MAST4: variants seen among roughly 807,000 people sequenced by gnomAD.
The protein encoded by MAST4 is microtubule-associated serine/threonine-protein kinase 4.
MAST4 carries 89 observed loss-of-function variants against 162.7 expected under a neutral mutation model. That is an observed-to-expected ratio of 0.55 (90% CI 0.46 to 0.65). The LOEUF is 0.65. Ranked by LOEUF, MAST4 falls within the 30% of genes least tolerant of loss-of-function variation. The pLI, the probability that MAST4 is intolerant of heterozygous loss-of-function variation, is 0.00. For missense variants in MAST4, 3,153 were observed against 3,374.0 expected, an observed-to-expected ratio of 0.93 and a Z score of 1.62; for synonymous variants, 1,479 against 1,361.1, an observed-to-expected ratio of 1.09 and a Z score of -1.91.
intron 4 of MAST4, among the ~76,000 whole-genome samples, chr5:67,043,836 G>T (rs546243142): frequency 5.1e-4 from 77 of 152,250 alleles, no homozygotes; most frequent in African/African-American, 4.3e-4. Context: ...TAATTCCCCA[G>T]TATGTCTGTT....
chr5:66,972,838 TCA>T (rs1747613171), intron 4 of MAST4, among the ~76,000 whole-genome samples: 1 of 152,222 alleles, frequency 6.6e-6, no homozygotes, highest in Non-Finnish European at 1.5e-5. Flanking sequence ...CTGCCGTGTC[TCA>T]CTCATTCCCT....
intron 4 of MAST4, among the ~76,000 whole-genome samples, chr5:66,907,877 C>T (rs1394352794): frequency 1.3e-5 from 2 of 151,990 alleles, no homozygotes; most frequent in Non-Finnish European, 2.9e-5. Flanking sequence ...GATGTGTAAA[C>T]CATATTTGAA....
At chr5:66,738,879 T>C (rs925812054) in intron 1 of MAST4, among the ~76,000 whole-genome samples, 1 of 152,246 alleles carries the variant, frequency 6.6e-6, no homozygotes, top group African/African-American at 2.4e-5. Flanking sequence ...TTTAAATTTT[T>C]GTTATGAGAT....
chr5:66,879,073 A>T (rs1487604244), intron 3 of MAST4, among the ~76,000 whole-genome samples: 1 of 152,124 alleles, frequency 6.6e-6, no homozygotes, highest in East Asian at 1.9e-4. Context: ...AGGTCAGGAG[A>T]TGGCGACCAT....
chr5:66,776,195 T>C (rs1263492328), intron 2 of MAST4, among the ~76,000 whole-genome samples: 1 of 152,212 alleles, frequency 6.6e-6, no homozygotes, highest in African/African-American at 2.4e-5. Flanking sequence ...TTTGTTCTTT[T>C]TGTTTCTCTT....
At chr5:66,618,134 C>G (rs1050191064) in intron 1 of MAST4, among the ~76,000 whole-genome samples, 1 of 152,284 alleles carries the variant, frequency 6.6e-6, no homozygotes, top group Non-Finnish European at 1.5e-5. Flanking sequence ...CGCCCGTTGG[C>G]TTGTGGAGAA....
At chr5:66,997,687 A>G (rs1750826642) in intron 4 of MAST4, among the ~76,000 whole-genome samples, 1 of 152,174 alleles carries the variant, frequency 6.6e-6, no homozygotes, top group Non-Finnish European at 1.5e-5. Context: ...CCTGCCTCCC[A>G]AAGTGCTGGG....
At chr5:66,997,910 T>A (rs544456749) in intron 4 of MAST4, among the ~76,000 whole-genome samples, 1 of 152,338 alleles carries the variant, frequency 6.6e-6, no homozygotes, top group South Asian at 2.1e-4. Context: ...TATCTTCCGA[T>A]GTGTGGAATA....
chr5:67,133,471 C>T, intron 16 of MAST4, 43 bp from the exon 17 acceptor site: 1 of 1,602,108 alleles, frequency 6.2e-7, no homozygotes, highest in South Asian at 1.1e-5. Flanking sequence ...AGATAACCAG[C>T]TTATAAAGTG....
chr5:67,044,564 G>A (rs968712388), intron 4 of MAST4, among the ~76,000 whole-genome samples: 9 of 152,026 alleles, frequency 5.9e-5, no homozygotes, highest in Non-Finnish European at 1.2e-4. Flanking sequence ...GTCCAGGCTG[G>A]AATGCAGTGG....
chr5:66,796,251 A>G (rs1315773622), intron 3 of MAST4, among the ~76,000 whole-genome samples: 6 of 152,230 alleles, frequency 3.9e-5, no homozygotes, highest in Admixed American at 1.3e-4. Flanking sequence ...TGGCTGCCCA[A>G]TGGGTAATTA....
chr5:66,919,557 A>G (rs2150039862), intron 4 of MAST4, among the ~76,000 whole-genome samples: 1 of 149,072 alleles, frequency 6.7e-6, no homozygotes, highest in South Asian at 2.2e-4. Flanking sequence ...GCTACTTGGG[A>G]GGCTGAGGCA....
chr5:67,038,636 A>T (rs1278058368), intron 4 of MAST4, among the ~76,000 whole-genome samples: 1 of 152,238 alleles, frequency 6.6e-6, no homozygotes, highest in Non-Finnish European at 1.5e-5. Flanking sequence ...TTGTAGAAAG[A>T]CAGCATAACC....
chr5:67,005,900 A>C (rs903846002), intron 4 of MAST4, among the ~76,000 whole-genome samples: 1 of 152,232 alleles, frequency 6.6e-6, no homozygotes, highest in African/African-American at 2.4e-5. Flanking sequence ...CTTGCCTTGC[A>C]TGTACATGTG....
chr5:66,779,599 C>T (rs1248401526), intron 2 of MAST4, among the ~76,000 whole-genome samples: 1 of 152,050 alleles, frequency 6.6e-6, no homozygotes, highest in Non-Finnish European at 1.5e-5. Context: ...AAGTCAGTCA[C>T]CCATGTGAGT....
intron 1 of MAST4, among the ~76,000 whole-genome samples, chr5:66,684,990 G>A (rs753479858): frequency 8.5e-5 from 13 of 152,162 alleles, no homozygotes; most frequent in Non-Finnish European, 1.9e-4. Flanking sequence ...GGCCAGGTGG[G>A]GTGGCTCATG....
At chr5:66,874,081 G>C (rs1193424014) in intron 3 of MAST4, among the ~76,000 whole-genome samples, 1 of 152,114 alleles carries the variant, frequency 6.6e-6, no homozygotes, top group South Asian at 2.1e-4. Flanking sequence ...TAGACTAAGA[G>C]TAAAGGGTTA....
At chr5:67,008,387 C>T (rs981155276) in intron 4 of MAST4, among the ~76,000 whole-genome samples, 1 of 152,166 alleles carries the variant, frequency 6.6e-6, no homozygotes, top group Non-Finnish European at 1.5e-5. Flanking sequence ...CTTTTCTTTG[C>T]CCATTGGATG....
At chr5:67,026,867 C>T (rs1754710145) in intron 4 of MAST4, among the ~76,000 whole-genome samples, 1 of 152,052 alleles carries the variant, frequency 6.6e-6, no homozygotes, top group Admixed American at 6.6e-5. Context: ...ATCTTTGGGC[C>T]TCACCTTATA....
Sources: gnomAD v4.1 joint callset for allele counts (sites outside exome capture counted in the v4.1 genomes callset) on GRCh38, gnomAD v4.1.1 for gene constraint, MANE v1.5 for transcripts, NCBI Gene and HGNC (gene_info 2026-07-23, HGNC 2026-07-21) for gene names.